The following OPCML variants were observed in gnomAD, a reference collection of about 807,000 sequenced individuals.
The protein encoded by OPCML is opioid binding protein/cell adhesion molecule like.
In OPCML, 13 loss-of-function variants were observed where a neutral mutation model predicts 37.8. The ratio of observed to expected loss-of-function variants is 0.34; its 90% CI spans 0.22 to 0.55. The LOEUF is 0.55. OPCML is among the 20% of genes least tolerant of loss of function. The probability of loss-of-function intolerance (pLI) is 0.91; values close to 1 mark genes in which losing one functional copy is unlikely to be tolerated. For missense variants in OPCML, 341 were observed against 435.6 expected (o/e 0.78, Z 1.93); for synonymous variants, 176 against 168.8 (o/e 1.04, Z -0.33).
Position 132,433,290 on chromosome 11 carries a change from C to T in OPCML, c.916+2796G>A, listed in dbSNP as rs531131680. Among the ~76,000 whole-genome samples, 46 of 152,288 alleles carry T rather than the reference C, an allele frequency of 3.0e-4. 1 individual carries two copies. The Middle Eastern group carries it at 0.014, about 45-fold the overall frequency. On this transcript the variant is annotated intron_variant, in intron 7 of 7. Transcript: ENST00000524381. ...GTCATGCCGCTTTGATGAACATTGT[C>T]TTATTGACAATTCACAGTGACACTC...
At chr11:133,056,900 A>G (rs1948250379) in intron 1 of OPCML, among the ~76,000 whole-genome samples, 1 of 152,150 alleles carries the variant, frequency 6.6e-6, no homozygotes, top group Admixed American at 6.5e-5. Flanking sequence ...CTGGAGTGCA[A>G]TGATGCAATC....
chr11:132,575,266 T>C (rs1200895773), intron 3 of OPCML, among the ~76,000 whole-genome samples: 1 of 152,098 alleles, frequency 6.6e-6, no homozygotes, highest in Non-Finnish European at 1.5e-5. Context: ...TAGTGAAGGG[T>C]TTACTATTGC....
intron 2 of OPCML, among the ~76,000 whole-genome samples, chr11:132,708,290 T>C (rs1944117797): frequency 6.6e-6 from 1 of 152,132 alleles, no homozygotes; most frequent in Non-Finnish European, 1.5e-5. Flanking sequence ...GGCTAATGAG[T>C]TTGCCTAGAG....
At chr11:132,932,693 A>ATATATATATATATATAT (rs1189096867) in intron 2 of OPCML, among the ~76,000 whole-genome samples, 1 of 63,640 alleles carries the variant, frequency 1.6e-5, no homozygotes, top group Admixed American at 1.3e-4. Flanking sequence ...TATATATATT[A>ATATATATATATATATAT]TATATATATA....
At chr11:132,659,176 C>T (rs1473629070) in intron 2 of OPCML, among the ~76,000 whole-genome samples, 1 of 152,154 alleles carries the variant, frequency 6.6e-6, no homozygotes, top group African/African-American at 2.4e-5. Flanking sequence ...GCTTCTTTTC[C>T]TGTTGCTTTC....
intron 1 of OPCML, among the ~76,000 whole-genome samples, chr11:133,080,829 T>A (rs575994601): frequency 3.3e-5 from 5 of 152,274 alleles, no homozygotes; most frequent in Admixed American, 2.6e-4. Flanking sequence ...CATTCATTCA[T>A]GATTTACTCA....
At chr11:132,599,073 G>T (rs1224564196) in intron 3 of OPCML, among the ~76,000 whole-genome samples, 1 of 152,134 alleles carries the variant, frequency 6.6e-6, no homozygotes, top group Non-Finnish European at 1.5e-5. Context: ...GAGGCCAGGA[G>T]TTCAAGATGA....
intron 2 of OPCML, among the ~76,000 whole-genome samples, chr11:132,867,781 C>A (rs1424068722): frequency 1.3e-5 from 2 of 152,108 alleles, no homozygotes; most frequent in East Asian, 3.9e-4. Context: ...TCTTGTAACA[C>A]CTAACCTATG....
intron 1 of OPCML, among the ~76,000 whole-genome samples, chr11:133,273,346 C>A (rs548091831): frequency 3.9e-5 from 6 of 152,110 alleles, no homozygotes; most frequent in Admixed American, 3.9e-4. Context: ...CACCCAAGAG[C>A]CAGTGAGGTG....
At chr11:133,080,485 T>G (rs1358241634) in intron 1 of OPCML, among the ~76,000 whole-genome samples, 1 of 151,748 alleles carries the variant, frequency 6.6e-6, no homozygotes, top group Non-Finnish European at 1.5e-5. Flanking sequence ...TTTTTTTTTT[T>G]TTTTTTTTTC....
intron 1 of OPCML, among the ~76,000 whole-genome samples, chr11:132,989,799 TA>T: frequency 6.6e-6 from 1 of 152,170 alleles, no homozygotes; most frequent in South Asian, 2.1e-4. Flanking sequence ...ATTTAAAAAA[TA>T]AAAACATTTG....
chr11:132,746,788 C>T (rs1945649684), intron 2 of OPCML, among the ~76,000 whole-genome samples: 1 of 152,148 alleles, frequency 6.6e-6, no homozygotes, highest in Non-Finnish European at 1.5e-5. Context: ...CTTCCAGGTG[C>T]TTGGCACTCT....
intron 1 of OPCML, among the ~76,000 whole-genome samples, chr11:133,070,532 G>A (rs1312256668): frequency 6.6e-6 from 1 of 152,148 alleles, no homozygotes. Flanking sequence ...TGGACGAAGG[G>A]GACTGGCTAC....
rs114075942 is a variant in OPCML at position 133,523,525 on chromosome 11, C to T, written c.61+8739G>A. On this transcript the variant is annotated intron_variant, in intron 1 of 7. Coordinates refer to ENST00000524381, the MANE Select transcript of OPCML (RefSeq NM_001012393.5). The stretch of plus-strand genomic sequence containing the variant: ...ACAGTAGTCTTCCGACTAGTCTATC[C>T]CTTCCTGGTTTGTTCTCTCCCAATC... Among the ~76,000 whole-genome samples, 946 of 152,306 alleles carry T rather than the reference C, an allele frequency of 6.2e-3. 9 individuals carry two copies. The highest frequency in any genetic ancestry group is 0.022 in the African/African-American group (904 of 41,562).
At chr11:132,654,007 T>C (rs939351976) in intron 3 of OPCML, among the ~76,000 whole-genome samples, 5 of 152,238 alleles carry the variant, frequency 3.3e-5, no homozygotes, top group African/African-American at 1.2e-4. Context: ...TTCTACTCAG[T>C]CAGATAAATT....
At chr11:132,459,482 A>G (rs1043058595) in intron 4 of OPCML, among the ~76,000 whole-genome samples, 13 of 148,634 alleles carry the variant, frequency 8.7e-5, no homozygotes, top group Non-Finnish European at 1.6e-4. Flanking sequence ...CTACATATAT[A>G]TAGGATAATA....
intron 1 of OPCML, among the ~76,000 whole-genome samples, chr11:133,417,385 A>G (rs756401211): frequency 2.0e-5 from 3 of 152,204 alleles, no homozygotes; most frequent in Non-Finnish European, 4.4e-5. Flanking sequence ...ATTTTTTCAG[A>G]TGAAGAAACT....
chr11:133,124,800 A>C (rs1321429390), intron 1 of OPCML, among the ~76,000 whole-genome samples: 1 of 152,122 alleles, frequency 6.6e-6, no homozygotes, highest in African/African-American at 2.4e-5. Flanking sequence ...CTTGTTCAAT[A>C]ACTTTGCCAG....
chr11:133,168,572 A>T (rs1950245740), intron 1 of OPCML, among the ~76,000 whole-genome samples: 1 of 152,214 alleles, frequency 6.6e-6, no homozygotes, highest in Non-Finnish European at 1.5e-5. Flanking sequence ...TAAATATAAA[A>T]TATGGTACAG....
Sources: allele counts gnomAD v4.1 joint callset (sites outside exome capture counted in the v4.1 genomes callset), GRCh38; gene constraint gnomAD v4.1.1; transcripts MANE v1.5; gene names NCBI Gene and HGNC (gene_info 2026-07-23, HGNC 2026-07-21).